The following CUX1 variants were observed in gnomAD, a reference collection of about 807,000 sequenced individuals.
The protein encoded by CUX1 is protein CASP.
Under a neutral mutation model 158.8 loss-of-function variants are expected in CUX1, and 31 were observed. That is an observed-to-expected ratio of 0.20 (90% CI 0.15 to 0.26). The LOEUF is 0.26. Ranked by LOEUF, CUX1 falls within the 10% of genes least tolerant of loss-of-function variation. The pLI, the probability that CUX1 is intolerant of heterozygous loss-of-function variation, is 1.00. For synonymous variants in CUX1, 879 were observed against 862.1 expected, an observed-to-expected ratio of 1.02 and a Z score of -0.34; for missense variants, 1,589 against 2,014.6, an observed-to-expected ratio of 0.79 and a Z score of 4.04.
exon 23 of CUX1, chr7:102,283,073 G>C: frequency 6.2e-7 from 1 of 1,613,592 alleles, no homozygotes. Context: ...GGCTGCGGCT[G>C]GTGACTTGTG....
intron 1 of CUX1, among the ~76,000 whole-genome samples, chr7:101,843,786 G>A (rs539569542): frequency 2.6e-5 from 4 of 152,044 alleles, no homozygotes; most frequent in South Asian, 4.1e-4. Flanking sequence ...TGTGGCCCTC[G>A]GGTGTGCAGA....
At chr7:102,106,207 C>T (rs782060105) in intron 6 of CUX1, among the ~76,000 whole-genome samples, 1 of 150,870 alleles carries the variant, frequency 6.6e-6, no homozygotes. Flanking sequence ...CCTGCCTCAG[C>T]CTCCTGAGAA....
chr7:102,085,414 A>G (rs950587160), intron 4 of CUX1, among the ~76,000 whole-genome samples: 6 of 152,148 alleles, frequency 3.9e-5, no homozygotes, highest in Non-Finnish European at 8.8e-5. Context: ...GGGAGGGACC[A>G]GTGGGAGGTA....
In CUX1 at chr7:101,936,345, CG is replaced by C. The variant is rs1191327791; in HGVS notation, c.141+20125del. ...GCCCCAAGCTTGTTTTCAGGTGTGA[CG>C]GGGGTGGGGAGAAAGAGAGCATTCC... On this transcript the variant is annotated intron_variant, in intron 2 of 23. Transcript: ENST00000292535. 3.3e-5 allele frequency among the ~76,000 whole-genome samples: 5 copies of C among 152,030 alleles called. No individual in the cohort carries two copies. The South Asian group carries it at 8.3e-4, about 25-fold the overall frequency.
At chr7:101,939,147 C>T (rs193022700) in intron 2 of CUX1, among the ~76,000 whole-genome samples, 1 of 138,702 alleles carries the variant, frequency 7.2e-6, no homozygotes, top group African/African-American at 2.7e-5. Flanking sequence ...TTCTCCCAGG[C>T]CTCTATGTAG....
intron 2 of CUX1, among the ~76,000 whole-genome samples, chr7:101,990,620 T>C (rs1814981618): frequency 6.6e-6 from 1 of 151,914 alleles, no homozygotes; most frequent in Non-Finnish European, 1.5e-5. Context: ...CAAGTGACGC[T>C]CCCACCTCGG....
At chr7:102,224,298 C>G (rs913249245) in intron 20 of CUX1, among the ~76,000 whole-genome samples, 8 of 152,156 alleles carry the variant, frequency 5.3e-5, no homozygotes, top group Non-Finnish European at 1.2e-4. Context: ...CCTCCGCCTC[C>G]CCCATTCAAG....
chr7:102,234,044 C>A lies in CUX1; in HGVS notation c.3434-8C>A. 1 of 1,468,470 alleles carries A rather than the reference C, an allele frequency of 6.8e-7. No homozygotes were observed. 91.0% of individuals were successfully genotyped at this position (1,468,470 alleles called of 1,614,324 possible). On this transcript the variant is annotated splice_region_variant and splice_polypyrimidine_tract_variant and intron_variant, in intron 21 of 23. Transcript: ENST00000292535. ...ACAATACCTGTCTTGCTTCTGTTTT[C>A]TCTCTAGGCCAGCGCTTATTTGGGG...
At chr7:102,055,502 A>G (rs912142414) in intron 3 of CUX1, among the ~76,000 whole-genome samples, 1 of 152,056 alleles carries the variant, frequency 6.6e-6, no homozygotes, top group Non-Finnish European at 1.5e-5. Flanking sequence ...GCAGTCAGGG[A>G]GCTTTGATAT....
At chr7:102,183,358 C>T (rs1303785088) in intron 11 of CUX1, among the ~76,000 whole-genome samples, 1 of 151,730 alleles carries the variant, frequency 6.6e-6, no homozygotes, top group Non-Finnish European at 1.5e-5. Context: ...AGTGGTGGCA[C>T]ATGCCCGTTG....
intron 1 of CUX1, among the ~76,000 whole-genome samples, chr7:101,849,383 A>G (rs754038905): frequency 1.3e-5 from 2 of 149,768 alleles, no homozygotes; most frequent in Admixed American, 6.7e-5. Flanking sequence ...CTCTGTGTCC[A>G]TGTGTTCTCA....
chr7:102,195,459 G>T (rs782525863), intron 13 of CUX1, 48 bp from the exon 14 acceptor site: 76 of 1,506,418 alleles, frequency 5.0e-5, no homozygotes, highest in Non-Finnish European at 6.5e-5. Context: ...CCCCGGGAGC[G>T]GGTGAGTGGC....
intron 1 of CUX1, chr7:101,822,643 G>C (rs1054238965): frequency 6.6e-6 from 1 of 152,436 alleles, no homozygotes; most frequent in African/African-American, 2.4e-5. Context: ...GCTCATGCCT[G>C]TAATCCCAGC....
intron 8 of CUX1, among the ~76,000 whole-genome samples, chr7:102,158,124 C>T (rs1359539038): frequency 6.6e-6 from 1 of 152,142 alleles, no homozygotes; most frequent in African/African-American, 2.4e-5. Context: ...CTCTCACCCC[C>T]AGCCTGGCAA....
intron 8 of CUX1, among the ~76,000 whole-genome samples, chr7:102,146,992 A>G (rs1214621980): frequency 6.6e-6 from 1 of 152,188 alleles, no homozygotes; most frequent in East Asian, 1.9e-4. Context: ...GAGCAGACAG[A>G]GGTGACATCC....
intron 11 of CUX1, among the ~76,000 whole-genome samples, chr7:102,185,302 A>T (rs540785200): frequency 5.2e-4 from 79 of 152,288 alleles, no homozygotes; most frequent in African/African-American, 1.9e-3. Flanking sequence ...AGTACCCAAT[A>T]TTTTTTTAAT....
At chr7:101,891,343 C>CGAGT (rs1250744507) in intron 1 of CUX1, among the ~76,000 whole-genome samples, 3 of 152,298 alleles carry the variant, frequency 2.0e-5, no homozygotes, top group East Asian at 3.9e-4. Flanking sequence ...CTCAGACTCC[C>CGAGT]GAGTAGCTGG....
rs1554519625 is a variant in CUX1 at position 102,201,367 on chromosome 7, G to A, written c.2070G>A (p.Pro690=). The A allele has an allele frequency of 1.5e-5, 25 of 1,612,966 alleles. 1 individual carries two copies. The South Asian group carries it at 1.8e-4, about 11-fold the overall frequency. The part of the protein sequence containing the change: ...RELQVQKTAE[P]AQPSSASGSG... ...CCCTGTTTCTCCATGCAGCAGAGCC[G>A]GCCCAGCCTTCCTCCGCATCCGGCA... Residue 690 remains proline, a synonymous_variant, in exon 18 of 24, where the codon CCG becomes CCA. Coordinates refer to ENST00000292535, the MANE Select transcript of CUX1 (RefSeq NM_181552.4). This position sits in a 1 kb window ranked among gnomAD's most constrained non-coding sequence, Gnocchi z 5.0.
chr7:102,122,952 C>T (rs973042199), intron 8 of CUX1, among the ~76,000 whole-genome samples: 6 of 152,192 alleles, frequency 3.9e-5, no homozygotes, highest in Admixed American at 6.5e-5. Context: ...GAGAGGCAGC[C>T]GGGCACGGTG....
Sources: allele counts gnomAD v4.1 joint callset (sites outside exome capture counted in the v4.1 genomes callset), GRCh38; gene constraint gnomAD v4.1.1; non-coding constraint Gnocchi (gnomAD v3.1); transcripts MANE v1.5; gene names NCBI Gene and HGNC (gene_info 2026-07-23, HGNC 2026-07-21).